The following SP100 variants were observed in gnomAD, a reference collection of about 807,000 sequenced individuals.
SP100 encodes the protein nuclear autoantigen Sp-100.
In SP100, 84 loss-of-function variants were observed where a neutral mutation model predicts 130.0. That is an observed-to-expected ratio of 0.65 (90% CI 0.54 to 0.77). SP100 has a LOEUF of 0.77. Ranked by LOEUF, SP100 falls within the 30% of genes least tolerant of loss-of-function variation. SP100 has a pLI of 0.00. For synonymous variants in SP100, 331 were observed against 351.7 expected, an observed-to-expected ratio of 0.94 and a Z score of 0.66; for missense variants, 978 against 1,052.2, an observed-to-expected ratio of 0.93 and a Z score of 0.97.
chr2:230,520,134 G>A (rs1255506361), intron 24 of SP100, among the ~76,000 whole-genome samples: 1 of 152,180 alleles, frequency 6.6e-6, no homozygotes, highest in Admixed American at 6.5e-5. Flanking sequence ...AAGTTTCAGG[G>A]TATTCATGGA....
intron 24 of SP100, among the ~76,000 whole-genome samples, chr2:230,535,446 A>AT (rs913908072): frequency 3.3e-5 from 5 of 151,936 alleles, no homozygotes; most frequent in Non-Finnish European, 4.4e-5. Context: ...TTTCTTATGG[A>AT]TTTTTTTTGT....
At chr2:230,475,145 C>T (rs2065476922) in intron 17 of SP100, among the ~76,000 whole-genome samples, 2 of 152,076 alleles carry the variant, frequency 1.3e-5, no homozygotes, top group South Asian at 4.2e-4. Flanking sequence ...CTAATTTTAC[C>T]CTCCCACCAA....
chr2:230,499,045 C>A (rs151277097), intron 19 of SP100, among the ~76,000 whole-genome samples: 1 of 152,116 alleles, frequency 6.6e-6, no homozygotes, highest in African/African-American at 2.4e-5. Context: ...CTACAGGACT[C>A]GGTAAAAACT....
In SP100 at chr2:230,449,712, T is replaced by G; in HGVS notation, c.736+2T>G. ...GTGCTCAAAAGGCTGAGCCAACAGG[T>G]AAGACTGACTGGGTTGGCATGAATG... On this transcript the variant is annotated splice_donor_variant, in intron 7 of 28. Transcript: ENST00000340126. LOFTEE classifies it high-confidence loss of function. 1 of 1,613,952 alleles carries G rather than the reference T, an allele frequency of 6.2e-7. No individual in the cohort carries two copies. The highest frequency in any genetic ancestry group is 8.5e-7 in the Non-Finnish European group (1 of 1,179,968).
At chr2:230,444,030 G>T in intron 3 of SP100, 148 bp from the exon 4 acceptor site, 1 of 587,388 alleles carries the variant, frequency 1.7e-6, no homozygotes, top group Non-Finnish European at 2.9e-6. Flanking sequence ...TTCATTACTG[G>T]CTATACAAAT....
At chr2:230,419,991 G>C (rs1237961987) in intron 2 of SP100, among the ~76,000 whole-genome samples, 1 of 152,108 alleles carries the variant, frequency 6.6e-6, no homozygotes, top group Non-Finnish European at 1.5e-5. Flanking sequence ...TGAATTGAGA[G>C]ACACTAAATG....
intron 24 of SP100, among the ~76,000 whole-genome samples, chr2:230,532,311 A>C (rs1466304643): frequency 1.3e-5 from 2 of 152,174 alleles, no homozygotes; most frequent in South Asian, 4.1e-4. Context: ...GAAATGTTTA[A>C]ATGATGTTTT....
chr2:230,490,423 A>G (rs2066335033), intron 17 of SP100, among the ~76,000 whole-genome samples: 1 of 151,722 alleles, frequency 6.6e-6, no homozygotes, highest in African/African-American at 2.4e-5. Flanking sequence ...AATACAGCAC[A>G]CCAATGGGTC....
chr2:230,480,904 A>G (rs965924139), intron 17 of SP100, among the ~76,000 whole-genome samples: 1 of 152,116 alleles, frequency 6.6e-6, no homozygotes, highest in Non-Finnish European at 1.5e-5. Flanking sequence ...CCTTTGGGCC[A>G]TGTGGATGGA....
intron 24 of SP100, among the ~76,000 whole-genome samples, chr2:230,528,378 A>G (rs1044676660): frequency 6.6e-6 from 1 of 152,252 alleles, no homozygotes; most frequent in African/African-American, 2.4e-5. Context: ...TTTGAAACCA[A>G]TGAGAACAAA....
intron 24 of SP100, chr2:230,520,552 A>T (rs945077386): frequency 6.6e-6 from 1 of 152,234 alleles, no homozygotes; most frequent in Non-Finnish European, 1.5e-5. Context: ...AGGGCATCCA[A>T]GTTCAGGAAC....
Position 230,462,526 on chromosome 2 carries a change from A to G in SP100, c.1057+8A>G. 6.2e-7 allele frequency: 1 copy of G among 1,605,578 alleles called. No homozygotes were observed. The highest frequency in any genetic ancestry group is 8.5e-7 in the Non-Finnish European group (1 of 1,172,600). ...CACCGAGAAGTGAGCCTGGTAAGGA[A>G]GTTTGGGAGAGCAAGGCTTGGGCTG... On this transcript the variant is annotated splice_region_variant and intron_variant, in intron 10 of 28. Coordinates refer to ENST00000340126, the MANE Select transcript of SP100 (RefSeq NM_001080391.2).
chr2:230,431,132 G>A (rs544012800), intron 2 of SP100, among the ~76,000 whole-genome samples: 6 of 152,344 alleles, frequency 3.9e-5, no homozygotes, highest in African/African-American at 1.2e-4. Context: ...CTCTGATAGG[G>A]TGCTGATGTC....
chr2:230,506,782 TAC>T (rs57619257), intron 22 of SP100: 30,535 of 181,234 alleles, frequency 0.17, 3,260 homozygotes, highest in Admixed American at 0.25. Flanking sequence ...AAATGTTAAA[TAC>T]ACACACACAC....
chr2:230,540,807 T>C, intron 25 of SP100, 69 bp from the exon 26 acceptor site: 2 of 1,552,518 alleles, frequency 1.3e-6, no homozygotes, highest in Non-Finnish European at 1.7e-6. Flanking sequence ...GCAGAGGACT[T>C]GAACAACTGT....
At chr2:230,435,807 A>T (rs1385258237) in intron 2 of SP100, among the ~76,000 whole-genome samples, 1 of 152,168 alleles carries the variant, frequency 6.6e-6, no homozygotes, top group Non-Finnish European at 1.5e-5. Flanking sequence ...ATAAGTGAGA[A>T]CATGCAGTCA....
intron 24 of SP100, among the ~76,000 whole-genome samples, chr2:230,536,134 C>T (rs576513874): frequency 6.6e-6 from 1 of 152,088 alleles, no homozygotes; most frequent in South Asian, 2.1e-4. Context: ...TAGGTTGGTC[C>T]TGCTGTGATT....
chr2:230,501,986 A>G (rs1038440480), intron 19 of SP100, among the ~76,000 whole-genome samples: 6 of 151,078 alleles, frequency 4.0e-5, no homozygotes, highest in African/African-American at 1.5e-4. Flanking sequence ...CTCCTGCCTC[A>G]GCCTCCCGAG....
intron 17 of SP100, among the ~76,000 whole-genome samples, chr2:230,481,385 C>T (rs1294692324): frequency 1.3e-5 from 2 of 152,156 alleles, no homozygotes; most frequent in Admixed American, 1.3e-4. Flanking sequence ...AATGGCACTA[C>T]ATTTACTAAG....
Sources: gnomAD v4.1 joint callset for allele counts (sites outside exome capture counted in the v4.1 genomes callset) on GRCh38, gnomAD v4.1.1 for gene constraint, MANE v1.5 for transcripts, NCBI Gene and HGNC (gene_info 2026-07-23, HGNC 2026-07-21) for gene names.